Variants in FAM133B observed in about 807,000 individuals in gnomAD.
FAM133B encodes the protein family with sequence similarity 133 member B.
Under a neutral mutation model 46.4 loss-of-function variants are expected in FAM133B, and 25 were observed. The observed-to-expected ratio is 0.54, with a 90% CI of 0.39 to 0.75. The LOEUF (loss-of-function observed/expected upper bound fraction) is 0.75, where lower values mean the gene tolerates loss of function less well. Ranked by LOEUF, FAM133B falls within the 30% of genes least tolerant of loss-of-function variation. FAM133B has a pLI of 0.00. For missense variants in FAM133B, 205 were observed against 277.6 expected, an observed-to-expected ratio of 0.74 and a Z score of 1.86; for synonymous variants, 75 against 86.0, an observed-to-expected ratio of 0.87 and a Z score of 0.71.
In FAM133B at chr7:92,590,334, G is replaced by A. The variant is rs751729358; in HGVS notation, c.-43C>T. On this transcript the variant is annotated 5_prime_UTR_variant, in exon 1 of 11. Transcript: ENST00000445716. ...ACAGTAGCACGCCGAGGGAAACCGG[G>A]CCGGAGAGACTGCCGAAGAGGGCCT... 23 of 1,612,984 alleles carry A rather than the reference G, an allele frequency of 1.4e-5. No homozygotes were observed. The South Asian group carries it at 1.6e-4, about 12-fold the overall frequency.
intron 1 of FAM133B, chr7:92,590,063 C>G: frequency 1.6e-6 from 1 of 637,288 alleles, no homozygotes; most frequent in South Asian, 2.0e-5. Context: ...AAAAAAGGGG[C>G]GGGCAAGAGA....
intron 8 of FAM133B, among the ~76,000 whole-genome samples, chr7:92,571,768 T>C (rs1454588378): frequency 2.0e-5 from 3 of 152,212 alleles, no homozygotes; most frequent in Non-Finnish European, 2.9e-5. Context: ...CCTGTACTAG[T>C]ACTGCACTGT....
At position 92,579,321 on chromosome 7, in the gene FAM133B, T is replaced by C. The variant is rs1174337068; in HGVS notation, c.197A>G (p.Asn66Ser). ...TAACAGGTACTTTTTACAAACCTCA[T>C]TCATTTTTTCTTCAAATTCAGCCAA... ...KALAEFEEKMNENWKKELEKH... is the reference protein window; with the variant it reads ...KALAEFEEKMSENWKKELEKH... The change falls in exon 3 of 11, where the codon AAT (asparagine) becomes AGT (serine). Residue 66 changes from asparagine to serine, a missense_variant. Asn to Ser is a conservative substitution (Grantham distance 46, BLOSUM62 1). Transcript: ENST00000445716. The C allele has an allele frequency of 6.2e-7, 1 of 1,609,096 alleles. No individual in the cohort carries two copies. The highest frequency in any genetic ancestry group is 8.5e-7 in the Non-Finnish European group (1 of 1,178,538).
intron 1 of FAM133B, among the ~76,000 whole-genome samples, chr7:92,584,045 C>T (rs1308426303): frequency 1.4e-5 from 1 of 72,770 alleles, no homozygotes; most frequent in African/African-American, 6.6e-5. Flanking sequence ...GCAAGACTGT[C>T]TCAAAAAAAA....
intron 10 of FAM133B, 45 bp from the exon 11 acceptor site, chr7:92,562,413 C>T: frequency 6.6e-7 from 1 of 1,510,470 alleles, no homozygotes; most frequent in Non-Finnish European, 8.8e-7. Flanking sequence ...TAAAAATACG[C>T]AAATTAAAAG....
chr7:92,567,580 T>C (rs1249683324), intron 9 of FAM133B, among the ~76,000 whole-genome samples: 1 of 152,058 alleles, frequency 6.6e-6, no homozygotes, highest in African/African-American at 2.4e-5. Flanking sequence ...TAGGAAACAA[T>C]ATTTTTATTG....
chr7:92,581,451 T>C (rs1344567285), intron 2 of FAM133B, 55 bp downstream of exon 2: 1 of 1,433,202 alleles, frequency 7.0e-7, no homozygotes, highest in African/African-American at 1.4e-5. Context: ...GTCTTAAGAA[T>C]AAACTTTAAA....
chr7:92,573,080 T>C (rs965829306), intron 8 of FAM133B, among the ~76,000 whole-genome samples: 1 of 148,384 alleles, frequency 6.7e-6, no homozygotes, highest in African/African-American at 2.5e-5. Context: ...ACTAATATAA[T>C]AAAAGTATAT....
At chr7:92,581,447 A>G in intron 2 of FAM133B, 59 bp downstream of exon 2, 1 of 1,386,798 alleles carries the variant, frequency 7.2e-7, no homozygotes, top group Non-Finnish European at 1.0e-6. Flanking sequence ...TAAAGTCTTA[A>G]GAATAAACTT....
chr7:92,571,077 G>C (rs1014889927), intron 8 of FAM133B, among the ~76,000 whole-genome samples: 2 of 152,114 alleles, frequency 1.3e-5, no homozygotes, highest in Non-Finnish European at 2.9e-5. Context: ...AAGAAATATG[G>C]GTTCTTTGCT....
At chr7:92,576,169 C>T (rs886815359) in intron 7 of FAM133B, among the ~76,000 whole-genome samples, 2 of 152,192 alleles carry the variant, frequency 1.3e-5, no homozygotes, top group Non-Finnish European at 2.9e-5. Context: ...GCAACAATTT[C>T]TGCTTTTGAA....
At chr7:92,583,413 T>C (rs1794945677) in intron 1 of FAM133B, among the ~76,000 whole-genome samples, 1 of 152,220 alleles carries the variant, frequency 6.6e-6, no homozygotes. Context: ...TGAATGTACT[T>C]AATGTCACTA....
intron 10 of FAM133B, 32 bp from the exon 11 acceptor site, chr7:92,562,400 A>G: frequency 6.6e-7 from 1 of 1,515,904 alleles, no homozygotes; most frequent in Non-Finnish European, 8.8e-7. Flanking sequence ...AGACATTACT[A>G]TATAAAAATA....
intron 2 of FAM133B, among the ~76,000 whole-genome samples, chr7:92,580,233 C>G (rs1351858187): frequency 6.8e-6 from 1 of 146,048 alleles, no homozygotes; most frequent in Non-Finnish European, 1.5e-5. Context: ...ACTACCACAT[C>G]CAGCTAATTA....
intron 7 of FAM133B, 96 bp downstream of exon 7, chr7:92,577,007 T>C (rs1025181009): frequency 3.1e-6 from 2 of 644,534 alleles, no homozygotes; most frequent in Non-Finnish European, 4.8e-6. Flanking sequence ...AGTACAAATA[T>C]CAGACTATCT....
chr7:92,579,241 A>G, intron 3 of FAM133B, 76 bp downstream of exon 3: 2 of 1,323,480 alleles, frequency 1.5e-6, no homozygotes, highest in Non-Finnish European at 2.1e-6. Flanking sequence ...GGCCTCCCAA[A>G]GTGCTGGAAT....
chr7:92,569,157 C>T lies in FAM133B; in HGVS notation c.609+666G>A, dbSNP rs570759453. ...GTAAGCAAGGGTAAGATCCTCAACTCTTTTAGATTACACTATTGGGGGTTA... is the reference window on the plus strand; with the variant it reads ...GTAAGCAAGGGTAAGATCCTCAACTTTTTTAGATTACACTATTGGGGGTTA... On this transcript the variant is annotated intron_variant, in intron 9 of 10. Coordinates refer to ENST00000445716, the MANE Select transcript of FAM133B (RefSeq NM_152789.4). Among the ~76,000 whole-genome samples, 260 of 152,210 alleles carry T rather than the reference C, an allele frequency of 1.7e-3. 4 individuals are homozygous for T. Among genetic ancestry groups the T allele is most frequent in the Non-Finnish European group, 1.9e-4 (13 of 68,012 alleles).
At chr7:92,569,948 G>T in intron 8 of FAM133B, 33 bp from the exon 9 acceptor site, 2 of 1,002,334 alleles carry the variant, frequency 2.0e-6, no homozygotes, top group Non-Finnish European at 1.4e-6. Context: ...TCTTGACTCA[G>T]ACATACTTTG....
At chr7:92,574,846 A>C (rs2116398321) in intron 8 of FAM133B, among the ~76,000 whole-genome samples, 1 of 151,408 alleles carries the variant, frequency 6.6e-6, no homozygotes, top group Non-Finnish European at 1.5e-5. Flanking sequence ...CGGAGCTTGC[A>C]GTGAGCCGAG....
Sources: allele counts gnomAD v4.1 joint callset (sites outside exome capture counted in the v4.1 genomes callset), GRCh38; gene constraint gnomAD v4.1.1; transcripts MANE v1.5; gene names NCBI Gene and HGNC (gene_info 2026-07-23, HGNC 2026-07-21).